RNF8: variants seen among roughly 807,000 people sequenced by gnomAD.
The protein encoded by RNF8 is ring finger protein 8.
A neutral mutation model predicts 59.3 loss-of-function variants in RNF8; 8 were observed. The ratio of observed to expected loss-of-function variants is 0.13; its 90% CI spans 0.08 to 0.24. RNF8 has a LOEUF of 0.24. RNF8 is among the 10% of genes least tolerant of loss of function. The pLI is 1.00. For missense variants in RNF8, 406 were observed against 572.6 expected (o/e 0.71, Z 2.97); for synonymous variants, 162 against 200.0 (o/e 0.81, Z 1.60).
chr6:37,386,576 G>C (rs1770511914), intron 7 of RNF8, among the ~76,000 whole-genome samples: 1 of 152,184 alleles, frequency 6.6e-6, no homozygotes, highest in South Asian at 2.1e-4. Flanking sequence ...GACTTTGACT[G>C]CTGGGCTACA....
chr6:37,370,149 T>C (rs768726264), intron 3 of RNF8: 4 of 152,216 alleles, frequency 2.6e-5, no homozygotes, highest in Non-Finnish European at 5.9e-5. Flanking sequence ...TTTGGGTTGC[T>C]CAGGGTAAGG....
rs565288424 is a variant in RNF8, at chr6:37,354,948, A to T, written c.111+673A>T. On this transcript the variant is annotated intron_variant, in intron 1 of 7. Coordinates refer to ENST00000373479, the MANE Select transcript of RNF8 (RefSeq NM_003958.4). ...TTCCTCCTTCCCAACTCTGAGGAAC[A>T]TGGGCGGCTTGGGCTGGGCCACATT... 7.0e-4 allele frequency among the ~76,000 whole-genome samples: 107 copies of T among 152,322 alleles called. No individual in the cohort carries two copies. In the Middle Eastern group the frequency reaches 0.01, roughly 15 times the overall value.
chr6:37,393,151 A>G lies in RNF8; in HGVS notation c.*2393A>G, dbSNP rs910371471. On this transcript the variant is annotated 3_prime_UTR_variant, in exon 8 of 8. Transcript: ENST00000373479. ...AGACTAAAAAGAGTAATAAATCAAT[A>G]CAACAACATTAAAAGCCAGACTAGC... The G allele has an allele frequency of 6.6e-6, 1 of 152,366 alleles. No individual in the cohort carries two copies. The highest frequency in any genetic ancestry group is 2.4e-5 in the African/African-American group (1 of 41,478). 9.4% of individuals were successfully genotyped at this position (152,366 alleles called of 1,614,324 possible).
At chr6:37,365,658 G>A (rs1459186134) in intron 2 of RNF8, among the ~76,000 whole-genome samples, 1 of 152,204 alleles carries the variant, frequency 6.6e-6, no homozygotes, top group East Asian at 1.9e-4. Context: ...AGTAATTCCT[G>A]TCTAAGTGGA....
At chr6:37,358,184 AG>A (rs1769189012) in intron 1 of RNF8, among the ~76,000 whole-genome samples, 1 of 152,200 alleles carries the variant, frequency 6.6e-6, no homozygotes, top group Non-Finnish European at 1.5e-5. Context: ...GATGGGCTTA[AG>A]GAACAACAAC....
intron 5 of RNF8, among the ~76,000 whole-genome samples, chr6:37,375,468 G>A (rs926403940): frequency 1.3e-5 from 2 of 152,200 alleles, no homozygotes; most frequent in African/African-American, 4.8e-5. Flanking sequence ...CCAGTCCACA[G>A]GCCACCAATT....
At chr6:37,375,477 T>C (rs1037370871) in intron 5 of RNF8, among the ~76,000 whole-genome samples, 8 of 152,238 alleles carry the variant, frequency 5.3e-5, no homozygotes, top group African/African-American at 1.9e-4. Context: ...AGGCCACCAA[T>C]TTGCAACCTC....
chr6:37,368,870 C>G lies in RNF8; in HGVS notation c.627C>G (p.Ala209=). 6.2e-7 allele frequency: 1 copy of G among 1,614,106 alleles called. No homozygotes were observed. The highest frequency in any genetic ancestry group is 8.5e-7 in the Non-Finnish European group (1 of 1,180,018). Residue 209 remains alanine (A), a synonymous_variant, in exon 3 of 8, where the codon GCC becomes GCG. Transcript: ENST00000373479. The stretch of plus-strand genomic sequence containing the variant: ...ACAATTTGGATCCTAAGTTGACTGC[C>G]CTTGAGCCAAGTAAGACCACAGGGG... ...PSDNLDPKLT[A]LEPSKTTGAP... is the part of the protein sequence containing the mutation.
At position 37,377,045 on chromosome 6, in the gene RNF8, CA is replaced by C; in HGVS notation, c.1236+13del. ...AATACTTCATTGAGGTAATTATGAA[CA>C]GTTGCTCACCCCTTCTTTTTTTTTT... On this transcript the variant is annotated intron_variant, in intron 6 of 7. Coordinates refer to ENST00000373479, the MANE Select transcript of RNF8 (RefSeq NM_003958.4). 1 of 597,394 alleles carries C rather than the reference CA, an allele frequency of 1.7e-6. No individual in the cohort carries two copies. 37.0% of individuals were successfully genotyped at this position (597,394 alleles called of 1,614,324 possible). A position where few individuals can be genotyped will look rare whatever the true frequency, so the allele number is the denominator to read the frequency against.
chr6:37,385,306 C>T (rs1207860640), intron 7 of RNF8, among the ~76,000 whole-genome samples: 1 of 151,524 alleles, frequency 6.6e-6, no homozygotes, highest in Non-Finnish European at 1.5e-5. Context: ...AGCCACCGCG[C>T]CTGGCTCTTA....
Position 37,369,030 on chromosome 6 carries a change from A to T in RNF8, c.787A>T (p.Met263Leu), listed in dbSNP as rs1183510141. The T allele has an allele frequency of 6.2e-7, 1 of 1,614,222 alleles. No individual in the cohort carries two copies. Among genetic ancestry groups the T allele is most frequent in the Non-Finnish European group, 8.5e-7 (1 of 1,180,040 alleles). ...MSRILRLKIQ[M>L]QEKHEAVMNV... The stretch of plus-strand genomic sequence containing the variant: ...CAGGATTCTGAGGCTCAAAATACAG[A>T]TGCAGGAAAAACATGAAGCCGTTAT... The change falls in exon 3 of 8, where the codon ATG becomes TTG. Residue 263 changes from methionine (M) to leucine (L), a missense_variant. Met to Leu is a conservative substitution (Grantham distance 15, BLOSUM62 2). Around this residue, in one of 3 missense-constraint regions of RNF8, gnomAD observed 285 missense variants for 342.0 expected, o/e 0.83. Transcript: ENST00000373479.
chr6:37,368,547 C>G lies in RNF8; in HGVS notation c.304C>G (p.Gln102Glu), dbSNP rs1769660788. Residue 102 changes from glutamine (Q) to glutamate (E), a missense_variant, in exon 3 of 8, where the codon CAG becomes GAG. Physicochemically the swap from Gln to Glu is conservative, Grantham distance 29. Coordinates refer to ENST00000373479, the MANE Select transcript of RNF8 (RefSeq NM_003958.4). ...LEPLRVYSIH[Q>E]GDYIQLGVPL... ...ACCTTTAAGGGTCTATTCCATTCATCAGGGAGACTACATCCAACTTGGAGT... is the reference window on the plus strand; with the variant it reads ...ACCTTTAAGGGTCTATTCCATTCATGAGGGAGACTACATCCAACTTGGAGT... 1.9e-6 allele frequency: 3 copies of G among 1,614,084 alleles called. No individual in the cohort carries two copies. Among genetic ancestry groups the G allele is most frequent in the Non-Finnish European group, 2.5e-6 (3 of 1,179,994 alleles).
At chr6:37,388,691 C>A (rs1413526392) in intron 7 of RNF8, among the ~76,000 whole-genome samples, 1 of 151,678 alleles carries the variant, frequency 6.6e-6, no homozygotes, top group Non-Finnish European at 1.5e-5. Context: ...GTCCTCACAG[C>A]TACTTAGGAG....
At chr6:37,358,688 C>T (rs919859095) in intron 1 of RNF8, among the ~76,000 whole-genome samples, 3 of 151,982 alleles carry the variant, frequency 2.0e-5, no homozygotes, top group Non-Finnish European at 2.9e-5. Context: ...GGAGGACAGG[C>T]ATTCTGAAAG....
At chr6:37,376,600 C>T (rs937903038) in intron 5 of RNF8, among the ~76,000 whole-genome samples, 3 of 152,120 alleles carry the variant, frequency 2.0e-5, no homozygotes, top group Non-Finnish European at 2.9e-5. Context: ...ATGGAGCCCT[C>T]ATGACCTAGT....
At chr6:37,365,719 ACTTTT>A (rs1460399723) in intron 2 of RNF8, among the ~76,000 whole-genome samples, 48 of 152,306 alleles carry the variant, frequency 3.2e-4, no homozygotes, top group Non-Finnish European at 1.5e-4. Context: ...CATCAGGCAG[ACTTTT>A]CTGGGTATCA....
intron 7 of RNF8, among the ~76,000 whole-genome samples, chr6:37,382,766 T>C (rs1179413458): frequency 1.3e-5 from 2 of 152,046 alleles, no homozygotes; most frequent in East Asian, 3.9e-4. Context: ...GATCACGAAG[T>C]CAGGAGTTCG....
chr6:37,361,578 A>G (rs1225880186), intron 2 of RNF8: 2 of 339,626 alleles, frequency 5.9e-6, no homozygotes, highest in Non-Finnish European at 5.8e-6. Context: ...ATTCTAACAT[A>G]AACAGTTAAT....
chr6:37,359,761 A>G (rs796077478), intron 1 of RNF8, among the ~76,000 whole-genome samples: 52 of 152,326 alleles, frequency 3.4e-4, no homozygotes, highest in African/African-American at 1.2e-3. Context: ...TCCAGTGATA[A>G]TATCTAGAAC....
Sources: gnomAD v4.1 joint callset for allele counts (sites outside exome capture counted in the v4.1 genomes callset) on GRCh38, gnomAD v4.1.1 for gene constraint, gnomAD v4.1.1 regional missense constraint, MANE v1.5 for transcripts, NCBI Gene and HGNC (gene_info 2026-07-23, HGNC 2026-07-21) for gene names.